Variants in XYLB observed in about 807,000 individuals in gnomAD.
XYLB encodes xylulokinase, also known as xylulose kinase.
A neutral mutation model predicts 78.7 loss-of-function variants in XYLB; 62 were observed. That is an observed-to-expected ratio of 0.79 (90% CI 0.64 to 0.97). The LOEUF is 0.97. Ranked by LOEUF, XYLB falls within the 50% of genes least tolerant of loss-of-function variation. The probability of loss-of-function intolerance (pLI) is 0.00; values close to 1 mark genes in which losing one functional copy is unlikely to be tolerated. For missense variants in XYLB, 687 were observed against 676.8 expected (o/e 1.02, Z -0.17); for synonymous variants, 245 against 247.4 (o/e 0.99, Z 0.09).
intron 1 of XYLB, among the ~76,000 whole-genome samples, 190 bp downstream of exon 1, chr3:38,347,115 G>T (rs551815522): frequency 6.6e-6 from 1 of 152,290 alleles, no homozygotes; most frequent in African/African-American, 2.4e-5. Flanking sequence ...GCCCGGAGAT[G>T]CCCTGCCAAT....
chr3:38,372,125 T>C (rs1023213072), intron 9 of XYLB, among the ~76,000 whole-genome samples: 3 of 152,202 alleles, frequency 2.0e-5, no homozygotes, highest in Admixed American at 2.0e-4. Context: ...TTTTTCGTCA[T>C]CCCTCTTTTT....
chr3:38,409,593 A>G lies in XYLB; in HGVS notation c.1534-3343A>G, dbSNP rs535766189. ...ACTCAGTTAGGAAAAGAGGAAGTCAAATTGTCCCTGTTTGCAGATGACATG... is the reference window on the plus strand; with the variant it reads ...ACTCAGTTAGGAAAAGAGGAAGTCAGATTGTCCCTGTTTGCAGATGACATG... On this transcript the variant is annotated intron_variant, in intron 18 of 18. Transcript: ENST00000207870. Among the ~76,000 whole-genome samples the G allele has an allele frequency of 5.3e-5, 8 of 152,362 alleles. No homozygotes were observed. The South Asian group carries it at 1.4e-3, about 28-fold the overall frequency.
intron 12 of XYLB, 59 bp downstream of exon 12, chr3:38,375,318 C>A: frequency 2.0e-6 from 3 of 1,488,582 alleles, no homozygotes; most frequent in Non-Finnish European, 2.8e-6. Context: ...GCAGGTCTGG[C>A]ACCATCTTGA....
rs368319967 is a variant in XYLB at position 38,380,926 on chromosome 3, A to G, written c.1291+1584A>G. On this transcript the variant is annotated intron_variant, in intron 15 of 18. Coordinates refer to ENST00000207870, the MANE Select transcript of XYLB (RefSeq NM_005108.4). ...AATGTAACACTGAGCAAAAGAGGCCAAACATGGACATACATATGGCAGGGG... is the reference window on the plus strand; with the variant it reads ...AATGTAACACTGAGCAAAAGAGGCCGAACATGGACATACATATGGCAGGGG... Among the ~76,000 whole-genome samples the G allele has an allele frequency of 4.6e-5, 7 of 152,356 alleles. No homozygotes were observed. In the East Asian group the frequency reaches 9.6e-4, roughly 21 times the overall value.
At chr3:38,421,341 C>G (rs1456655814), downstream of XYLB, 1 of 152,156 alleles carries the variant, frequency 6.6e-6, no homozygotes, top group Non-Finnish European at 1.5e-5. Context: ...TGGAGGACAC[C>G]CGAGTACTGT....
At chr3:38,440,943 T>C in the XYLB span, among the ~76,000 whole-genome samples, 1 of 151,930 alleles carries the variant, frequency 6.6e-6, no homozygotes, top group Non-Finnish European at 1.5e-5. Flanking sequence ...TTTGACTTTG[T>C]CTTTCCCCTC....
At chr3:38,373,430 T>TGGG (rs1706679375) in intron 10 of XYLB, among the ~76,000 whole-genome samples, 1 of 152,256 alleles carries the variant, frequency 6.6e-6, no homozygotes, top group African/African-American at 2.4e-5. Context: ...GAAAGATTAA[T>TGGG]TTCTGTCCTT....
chr3:38,371,878 A>G (rs1279532098), intron 9 of XYLB, among the ~76,000 whole-genome samples: 1 of 152,228 alleles, frequency 6.6e-6, no homozygotes, highest in Non-Finnish European at 1.5e-5. Flanking sequence ...CAGGTCAGAA[A>G]GGCAGAGAAA....
chr3:38,441,608 T>C, the XYLB span, among the ~76,000 whole-genome samples: 1 of 152,082 alleles, frequency 6.6e-6, no homozygotes, highest in Admixed American at 6.6e-5. Flanking sequence ...CCTCAAGGAG[T>C]AGCTCCTGGT....
intron 4 of XYLB, 34 bp from the exon 5 acceptor site, chr3:38,365,165 G>A: frequency 6.2e-7 from 1 of 1,604,912 alleles, no homozygotes; most frequent in Non-Finnish European, 8.5e-7. Context: ...ACTGGTGTGT[G>A]GTCATGTGAC....
chr3:38,363,950 C>T (rs1706110489), intron 4 of XYLB, among the ~76,000 whole-genome samples: 1 of 152,138 alleles, frequency 6.6e-6, no homozygotes, highest in Non-Finnish European at 1.5e-5. Flanking sequence ...CATGACCTAA[C>T]AGGAATTTAT....
intron 18 of XYLB, among the ~76,000 whole-genome samples, chr3:38,406,756 T>C (rs1282776519): frequency 1.3e-5 from 2 of 152,294 alleles, no homozygotes; most frequent in South Asian, 4.1e-4. Flanking sequence ...CAGGAGCCGA[T>C]GCGATCAGCT....
chr3:38,410,078 C>G (rs1708509167), intron 18 of XYLB, among the ~76,000 whole-genome samples: 1 of 152,178 alleles, frequency 6.6e-6, no homozygotes, highest in South Asian at 2.1e-4. Flanking sequence ...ATCGCCAAGT[C>G]AATCCTAAGC....
the XYLB span, among the ~76,000 whole-genome samples, chr3:38,431,820 G>T: frequency 6.6e-5 from 10 of 152,250 alleles, no homozygotes; most frequent in East Asian, 1.9e-3. Context: ...GAGTGAAGGG[G>T]AAGCCTCCTA....
chr3:38,396,953 G>A (rs2125647566), intron 16 of XYLB, 119 bp from the exon 17 acceptor site: 2 of 972,032 alleles, frequency 2.1e-6, no homozygotes, highest in Non-Finnish European at 3.3e-6. Flanking sequence ...AGGCAGTCGA[G>A]GTGGAATGGA....
At chr3:38,434,011 A>G in the XYLB span, among the ~76,000 whole-genome samples, 2 of 152,222 alleles carry the variant, frequency 1.3e-5, no homozygotes, top group Admixed American at 1.3e-4. Flanking sequence ...GGAAACTTAC[A>G]ATCATGATAG....
At chr3:38,428,185 A>G in the XYLB span, among the ~76,000 whole-genome samples, 6 of 152,228 alleles carry the variant, frequency 3.9e-5, no homozygotes, top group Admixed American at 6.5e-5. Context: ...GTCTAAGAAT[A>G]TGCTCTGCAT....
rs2234603 is a variant in XYLB at position 38,360,299 on chromosome 3, G to T, written c.141-40G>T. 8.8e-4 allele frequency: 1,391 copies of T among 1,585,968 alleles called. 5 individuals carry two copies. In the African/African-American group the frequency reaches 0.01, roughly 12 times the overall value. ...CTCCTGGCTTTGCAATGGTCTGCCT[G>T]CCCTGAGGCTCTGGTCTACATTCTC... is the stretch of plus-strand genomic sequence containing the variant. On this transcript the variant is annotated intron_variant, in intron 2 of 18. Coordinates refer to ENST00000207870, the MANE Select transcript of XYLB (RefSeq NM_005108.4).
chr3:38,355,007 A>T (rs924265334), intron 2 of XYLB, among the ~76,000 whole-genome samples: 1 of 152,218 alleles, frequency 6.6e-6, no homozygotes, highest in African/African-American at 2.4e-5. Flanking sequence ...AAATGACCAC[A>T]ATACTCCACC....
Sources: allele counts gnomAD v4.1 joint callset (sites outside exome capture counted in the v4.1 genomes callset), GRCh38; gene constraint gnomAD v4.1.1; transcripts MANE v1.5; gene names NCBI Gene and HGNC (gene_info 2026-07-23, HGNC 2026-07-21).